Variants in IGF2R observed in about 807,000 individuals in gnomAD.
IGF2R encodes the protein cation-independent mannose-6-phosphate receptor.
Under a neutral mutation model 270.6 loss-of-function variants are expected in IGF2R, and 91 were observed. That is an observed-to-expected ratio of 0.34 (90% CI 0.28 to 0.40). The LOEUF (loss-of-function observed/expected upper bound fraction) is 0.40, where lower values mean the gene tolerates loss of function less well. Among genes scored for constraint, IGF2R ranks in the 10% least tolerant of loss-of-function variants. The pLI is 1.00. For missense variants in IGF2R, 2,805 were observed against 3,188.3 expected, an observed-to-expected ratio of 0.88 and a Z score of 2.90; for synonymous variants, 1,316 against 1,258.9, an observed-to-expected ratio of 1.05 and a Z score of -0.96.
chr6:160,075,963 C>T lies in IGF2R; in HGVS notation c.5283C>T (p.Leu1761=), dbSNP rs767954497. Reference sequence around the variant, plus strand: ...ACAAGCATTTCAACTACACCTCGCTCATCGCGTTTCACTGTAAGAGAGGTG... The same window carrying T: ...ACAAGCATTTCAACTACACCTCGCTTATCGCGTTTCACTGTAAGAGAGGTG... ...LADKHFNYTS[L]IAFHCKRGVS... is the part of the protein sequence containing the mutation. Residue 1761 remains leucine (L), a synonymous_variant, in exon 36 of 48, where the codon CTC becomes CTT. Coordinates refer to ENST00000356956, the MANE Select transcript of IGF2R (RefSeq NM_000876.4). The T allele has an allele frequency of 1.2e-6, 2 of 1,614,092 alleles. No homozygotes were observed. Among genetic ancestry groups the T allele is most frequent in the African/African-American group, 1.3e-5 (1 of 74,934 alleles).
chr6:160,045,533 C>G (rs1778049540), intron 13 of IGF2R, among the ~76,000 whole-genome samples: 1 of 152,184 alleles, frequency 6.6e-6, no homozygotes, highest in African/African-American at 2.4e-5. Context: ...CATTCCCTCT[C>G]TTCTACTTTT....
At chr6:160,083,180 G>A (rs1405852481) in intron 39 of IGF2R, among the ~76,000 whole-genome samples, 1 of 152,176 alleles carries the variant, frequency 6.6e-6, no homozygotes, top group Non-Finnish European at 1.5e-5. Flanking sequence ...AAACATGTGA[G>A]CAAAAGAATC....
chr6:160,083,445 G>A (rs1052176116), intron 39 of IGF2R, among the ~76,000 whole-genome samples: 3 of 152,202 alleles, frequency 2.0e-5, no homozygotes, highest in Non-Finnish European at 4.4e-5. Flanking sequence ...CATCTCACCT[G>A]CAAGAGGCTT....
intron 17 of IGF2R, 71 bp from the exon 18 acceptor site, chr6:160,048,303 CT>C: frequency 1.4e-6 from 2 of 1,430,474 alleles, no homozygotes; most frequent in East Asian, 4.6e-5. Context: ...ACTTCCCCAA[CT>C]ACATAGAAAT....
Position 160,048,493 on chromosome 6 carries a change from G to A in IGF2R, c.2464G>A (p.Gly822Ser), listed in dbSNP as rs1188540549. 1 of 1,614,046 alleles carries A rather than the reference G, an allele frequency of 6.2e-7. No homozygotes were observed. Among genetic ancestry groups the A allele is most frequent in the Non-Finnish European group, 8.5e-7 (1 of 1,180,028 alleles). Residue 822 changes from glycine (G) to serine (S), a missense_variant, in exon 18 of 48, where the codon GGC becomes AGC. By Grantham distance (56) the Gly-to-Ser change is moderately conservative. Around this residue, in one of 2 missense-constraint regions of IGF2R, gnomAD observed 1,851 missense variants for 2,207.2 expected, o/e 0.84. Transcript: ENST00000356956. ...GTGTCGGCCTCTGAATCCAGTGCCG[G>A]GCTGCAACCGATATGCATCGGCTTG... ...NVCRPLNPVP[G>S]CNRYASACQM...
chr6:160,087,068 C>T lies in IGF2R; in HGVS notation c.6206-965C>T, dbSNP rs559440875. Among the ~76,000 whole-genome samples, 6 of 152,270 alleles carry T rather than the reference C, an allele frequency of 3.9e-5. No individual in the cohort carries two copies. In the South Asian group the frequency reaches 1.2e-3, roughly 32 times the overall value. On this transcript the variant is annotated intron_variant, in intron 41 of 47. Transcript: ENST00000356956. ...TGGCGGCCATGCTGCCCCAGTGATA[C>T]CTGCAGCTTAAAGCATGTACTCACT... is the stretch of plus-strand genomic sequence containing the variant.
chr6:159,986,214 A>C (rs1176058030), intron 1 of IGF2R, among the ~76,000 whole-genome samples: 1 of 147,810 alleles, frequency 6.8e-6, no homozygotes, highest in African/African-American at 2.5e-5. Context: ...GGGCTTTCTT[A>C]CCTATCCTGC....
chr6:159,985,185 A>G (rs1783863108), intron 1 of IGF2R, among the ~76,000 whole-genome samples: 1 of 152,214 alleles, frequency 6.6e-6, no homozygotes, highest in Non-Finnish European at 1.5e-5. Context: ...TATTGTGACA[A>G]GATTTAAACT....
chr6:160,040,509 C>T (rs1777921075), intron 10 of IGF2R, 51 bp from the exon 11 acceptor site: 1 of 1,532,640 alleles, frequency 6.5e-7, no homozygotes, highest in Non-Finnish European at 9.0e-7. Context: ...TTAGCTGTTC[C>T]TCAATTTTGG....
In IGF2R at chr6:159,989,995, A is replaced by T. The variant is rs1052756741; in HGVS notation, c.150-1189A>T. Among the ~76,000 whole-genome samples the T allele has an allele frequency of 3.9e-5, 6 of 152,214 alleles. No individual in the cohort carries two copies. In the East Asian group the frequency reaches 1.2e-3, roughly 29 times the overall value. ...ATGAGTGTTAATGCTTGGTGTAGTG[A>T]ATTTTGTGTGATTTCGAATCTGATA... On this transcript the variant is annotated intron_variant, in intron 1 of 47. Transcript: ENST00000356956.
intron 1 of IGF2R, among the ~76,000 whole-genome samples, chr6:159,989,694 A>G (rs1783947503): frequency 6.6e-6 from 1 of 152,190 alleles, no homozygotes; most frequent in Admixed American, 6.5e-5. Context: ...CGCCTCCCAA[A>G]GTGCTGGGAT....
intron 2 of IGF2R, among the ~76,000 whole-genome samples, 189 bp from the exon 3 acceptor site, chr6:160,008,821 A>G (rs957205820): frequency 6.6e-6 from 1 of 152,226 alleles, no homozygotes; most frequent in Admixed American, 6.5e-5. Context: ...CAGACAAGGT[A>G]AAGATGGCAC....
In IGF2R at chr6:160,029,636, G is replaced by A; in HGVS notation, c.863G>A (p.Cys288Tyr). Residue 288 changes from cysteine to tyrosine, a missense_variant, in exon 7 of 48, where the codon TGC (cysteine) becomes TAC (tyrosine). Transcript: ENST00000356956. ...CCTGCGGTGACTATTACATTTGTTTGCCCGTCGGAGCGGAGAGAGGTAAGT... is the reference window on the plus strand; with the variant it reads ...CCTGCGGTGACTATTACATTTGTTTACCCGTCGGAGCGGAGAGAGGTAAGT... Reference protein sequence around the residue: ...HSPAVTITFVCPSERREGTIP... With the variant: ...HSPAVTITFVYPSERREGTIP... The A allele has an allele frequency of 6.2e-7, 1 of 1,613,148 alleles. No homozygotes were observed. The highest frequency in any genetic ancestry group is 8.5e-7 in the Non-Finnish European group (1 of 1,179,134).
At chr6:160,048,694 T>C (rs1678582094) in intron 18 of IGF2R, 151 bp downstream of exon 18, 2 of 683,954 alleles carry the variant, frequency 2.9e-6, no homozygotes, top group Non-Finnish European at 4.9e-6. Context: ...TGTGAACTCA[T>C]CTGCCTCCTG....
rs182604858 is a variant in IGF2R at position 160,078,370 on chromosome 6, G to A, written c.5478+8G>A. 1.0e-4 allele frequency: 162 copies of A among 1,612,856 alleles called. No homozygotes were observed. The African/African-American group carries it at 1.3e-3, about 13-fold the overall frequency. On this transcript the variant is annotated splice_region_variant and intron_variant, in intron 37 of 47. Transcript: ENST00000356956. ...TCCACGAGCACCTTTAAGGTAATGC[G>A]TTCACCCTGGGCGTTGCTGGTGCAG...
At chr6:160,002,824 T>G (rs935849062) in intron 2 of IGF2R, among the ~76,000 whole-genome samples, 1 of 152,224 alleles carries the variant, frequency 6.6e-6, no homozygotes, top group Non-Finnish European at 1.5e-5. Flanking sequence ...TTATAAACTT[T>G]GGATTGGAGT....
rs1446017657 is a variant in IGF2R, at chr6:160,022,031, C to CAT, written c.514-2540_514-2539insTA. On this transcript the variant is annotated intron_variant, in intron 4 of 47. Transcript: ENST00000356956. ...GGTAAAGAACACACACACACACACA[C>CAT]ACACACACACGTCTATCATGGAATA... Among the ~76,000 whole-genome samples, 3 of 152,076 alleles carry CAT rather than the reference C, an allele frequency of 2.0e-5. No homozygotes were observed. In the East Asian group the frequency reaches 5.8e-4, roughly 29 times the overall value.
Position 160,060,596 on chromosome 6 carries a change from C to T in IGF2R, c.3141C>T (p.Tyr1047=), listed in dbSNP as rs549807993. 6.2e-7 allele frequency: 1 copy of T among 1,614,250 alleles called. No individual in the cohort carries two copies. Among genetic ancestry groups the T allele is most frequent in the Admixed American group, 1.7e-5 (1 of 60,032 alleles). The change falls in exon 23 of 48, where the codon TAC becomes TAT. Residue 1047 remains tyrosine (Y), a synonymous_variant. Coordinates refer to ENST00000356956, the MANE Select transcript of IGF2R (RefSeq NM_000876.4). ...GCTTTGTTTGCAATGATGATGTTTACTCAGGGCCCCTCAAATTCCTGCATC... is the reference window on the plus strand; with the variant it reads ...GCTTTGTTTGCAATGATGATGTTTATTCAGGGCCCCTCAAATTCCTGCATC... ...IVRFVCNDDV[Y]SGPLKFLHQD...
At chr6:159,987,265 T>G (rs1783902306) in intron 1 of IGF2R, among the ~76,000 whole-genome samples, 2 of 152,226 alleles carry the variant, frequency 1.3e-5, no homozygotes, top group Admixed American at 1.3e-4. Flanking sequence ...ACATATCTAG[T>G]GATAGTTTAA....
Sources: allele counts gnomAD v4.1 joint callset (sites outside exome capture counted in the v4.1 genomes callset), GRCh38; gene constraint gnomAD v4.1.1; regional missense constraint gnomAD v4.1.1; transcripts MANE v1.5; gene names NCBI Gene and HGNC (gene_info 2026-07-23, HGNC 2026-07-21).